The following ADAMTS6 variants were observed in gnomAD, a reference collection of about 807,000 sequenced individuals.
ADAMTS6 encodes ADAM metallopeptidase with thrombospondin type 1 motif 6, also known as A disintegrin and metalloproteinase with thrombospondin motifs 6.
Under a neutral mutation model 144.3 loss-of-function variants are expected in ADAMTS6, and 23 were observed. The observed-to-expected ratio is 0.16, with a 90% CI of 0.11 to 0.23. ADAMTS6 has a LOEUF of 0.23. Ranked by LOEUF, ADAMTS6 falls within the 10% of genes least tolerant of loss-of-function variation. ADAMTS6 has a pLI of 1.00. For synonymous variants in ADAMTS6, 444 were observed against 457.5 expected, an observed-to-expected ratio of 0.97 and a Z score of 0.38; for missense variants, 999 against 1,379.6, an observed-to-expected ratio of 0.72 and a Z score of 4.37.
intron 7 of ADAMTS6, among the ~76,000 whole-genome samples, chr5:65,396,854 A>T (rs1483706615): frequency 6.6e-6 from 1 of 152,264 alleles, no homozygotes; most frequent in African/African-American, 2.4e-5. Context: ...CTGGCATCAT[A>T]GGATGGGTTC....
chr5:65,378,909 A>T (rs1279565317), intron 7 of ADAMTS6, among the ~76,000 whole-genome samples: 2 of 152,210 alleles, frequency 1.3e-5, no homozygotes, highest in Non-Finnish European at 2.9e-5. Flanking sequence ...GCATACACTG[A>T]TTAACAATAA....
At position 65,337,285 on chromosome 5, in the gene ADAMTS6, C is replaced by A. The variant is rs996008526; in HGVS notation, c.1074-3200G>T. Among the ~76,000 whole-genome samples, 3 of 152,108 alleles carry A rather than the reference C, an allele frequency of 2.0e-5. No individual in the cohort carries two copies. In the East Asian group the frequency reaches 5.8e-4, roughly 29 times the overall value. On this transcript the variant is annotated intron_variant, in intron 7 of 24. Coordinates refer to ENST00000381055, the MANE Select transcript of ADAMTS6 (RefSeq NM_197941.4). ...ATGTTCAGCAGAAGTGCAAGGTAAT[C>A]ATTTGAGACATTTTTTAAAACTCAA...
At chr5:65,307,911 T>C (rs1215196678) in intron 9 of ADAMTS6, among the ~76,000 whole-genome samples, 1 of 152,166 alleles carries the variant, frequency 6.6e-6, no homozygotes, top group Admixed American at 6.5e-5. Flanking sequence ...CATTTGACTT[T>C]GGGGTATTAA....
intron 14 of ADAMTS6, among the ~76,000 whole-genome samples, chr5:65,254,326 A>T (rs995999525): frequency 1.3e-5 from 2 of 152,198 alleles, no homozygotes; most frequent in African/African-American, 4.8e-5. Flanking sequence ...TAGCAGGCAT[A>T]TGGGAAAAAT....
At chr5:65,355,783 T>G (rs1159959280) in intron 7 of ADAMTS6, among the ~76,000 whole-genome samples, 1 of 151,872 alleles carries the variant, frequency 6.6e-6, no homozygotes, top group Non-Finnish European at 1.5e-5. Context: ...TTTAATTAAT[T>G]TATTAGAGTT....
chr5:65,262,662 C>A (rs1022608335), intron 13 of ADAMTS6, 155 bp downstream of exon 13: 29 of 745,456 alleles, frequency 3.9e-5, no homozygotes, highest in Non-Finnish European at 5.5e-5. Flanking sequence ...GTCTGTCTAA[C>A]AAAGCTCCTC....
chr5:65,383,780 G>A (rs1380017617), intron 7 of ADAMTS6, among the ~76,000 whole-genome samples: 2 of 152,122 alleles, frequency 1.3e-5, no homozygotes, highest in Non-Finnish European at 2.9e-5. Context: ...TGCCCTAGTG[G>A]GGGCCCTCTA....
intron 14 of ADAMTS6, among the ~76,000 whole-genome samples, chr5:65,257,486 C>T (rs776626165): frequency 6.6e-6 from 1 of 152,098 alleles, no homozygotes; most frequent in Non-Finnish European, 1.5e-5. Flanking sequence ...CCTCTTTGGA[C>T]TCCACTGTTA....
At chr5:65,338,391 G>C (rs763125831) in intron 7 of ADAMTS6, among the ~76,000 whole-genome samples, 2 of 152,246 alleles carry the variant, frequency 1.3e-5, no homozygotes, top group Non-Finnish European at 2.9e-5. Flanking sequence ...GAATTTGGTT[G>C]AGACTGTAAC....
intron 7 of ADAMTS6, among the ~76,000 whole-genome samples, chr5:65,377,412 A>C (rs766532826): frequency 2.2e-4 from 33 of 152,220 alleles, no homozygotes; most frequent in Non-Finnish European, 4.7e-4. Context: ...ACTGCCAAAC[A>C]AGCTGGAGAG....
At chr5:65,356,632 T>C (rs1158646098) in intron 7 of ADAMTS6, among the ~76,000 whole-genome samples, 2 of 151,944 alleles carry the variant, frequency 1.3e-5, no homozygotes, top group Admixed American at 6.6e-5. Flanking sequence ...CTTTTGTTTA[T>C]ATGCATTATC....
chr5:65,373,602 T>C (rs1751200406), intron 7 of ADAMTS6, among the ~76,000 whole-genome samples: 1 of 152,074 alleles, frequency 6.6e-6, no homozygotes, highest in African/African-American at 2.4e-5. Flanking sequence ...GATTTGAAAT[T>C]GTGGCAATAA....
intron 22 of ADAMTS6, among the ~76,000 whole-genome samples, chr5:65,180,949 T>C (rs2112134979): frequency 6.6e-6 from 1 of 152,338 alleles, no homozygotes; most frequent in Non-Finnish European, 1.5e-5. Context: ...GCATCTGTCA[T>C]TTAATAAATA....
At position 65,224,916 on chromosome 5, in the gene ADAMTS6, A is replaced by T; in HGVS notation, c.2191+8T>A. The T allele has an allele frequency of 6.2e-7, 1 of 1,611,422 alleles. No individual in the cohort carries two copies. On this transcript the variant is annotated splice_region_variant and intron_variant, in intron 17 of 24. Coordinates refer to ENST00000381055, the MANE Select transcript of ADAMTS6 (RefSeq NM_197941.4). ...AGGTGTGAGGAAGAGTTCTCTCTAC[A>T]TACTCACCTCCCCTGGGCAGTGAAT...
At chr5:65,380,629 A>G (rs960079065) in intron 7 of ADAMTS6, among the ~76,000 whole-genome samples, 5 of 152,122 alleles carry the variant, frequency 3.3e-5, no homozygotes, top group Admixed American at 1.3e-4. Flanking sequence ...ATGCCCCTAA[A>G]TTGATGGACA....
intron 7 of ADAMTS6, among the ~76,000 whole-genome samples, chr5:65,392,222 T>TA (rs1351878787): frequency 2.7e-5 from 4 of 149,920 alleles, no homozygotes; most frequent in African/African-American, 9.8e-5. Context: ...GTCAAGATGT[T>TA]ATCTGATTTC....
chr5:65,218,039 G>A (rs1757057143), intron 18 of ADAMTS6, among the ~76,000 whole-genome samples: 1 of 152,174 alleles, frequency 6.6e-6, no homozygotes, highest in South Asian at 2.1e-4. Flanking sequence ...AAGTGAAGAA[G>A]AGAGATCAGA....
chr5:65,356,345 A>G (rs1228367530), intron 7 of ADAMTS6, among the ~76,000 whole-genome samples: 3 of 151,994 alleles, frequency 2.0e-5, no homozygotes, highest in Non-Finnish European at 2.9e-5. Context: ...GCTGTCATCA[A>G]TAGAAAGATC....
intron 7 of ADAMTS6, among the ~76,000 whole-genome samples, chr5:65,374,174 A>G (rs1274328120): frequency 6.6e-6 from 1 of 152,176 alleles, no homozygotes; most frequent in Non-Finnish European, 1.5e-5. Context: ...CAAAAACTGG[A>G]AGCATTCCCT....
Sources: allele counts gnomAD v4.1 joint callset (sites outside exome capture counted in the v4.1 genomes callset), GRCh38; gene constraint gnomAD v4.1.1; transcripts MANE v1.5; gene names NCBI Gene and HGNC (gene_info 2026-07-23, HGNC 2026-07-21).